The following KCNK2 variants were observed in gnomAD, a reference collection of about 807,000 sequenced individuals.
KCNK2 encodes potassium two pore domain channel subfamily K member 2.
Under a neutral mutation model 40.5 loss-of-function variants are expected in KCNK2, and 21 were observed. That is an observed-to-expected ratio of 0.52 (90% CI 0.37 to 0.75). KCNK2 has a LOEUF of 0.75. Among genes scored for constraint, KCNK2 ranks in the 30% least tolerant of loss-of-function variants. KCNK2 has a pLI of 0.00. For missense variants in KCNK2, 399 were observed against 531.6 expected (o/e 0.75, Z 2.45); for synonymous variants, 191 against 202.2 (o/e 0.94, Z 0.47).
At chr1:215,193,238 T>C (rs974404525) in intron 5 of KCNK2, among the ~76,000 whole-genome samples, 11 of 152,182 alleles carry the variant, frequency 7.2e-5, no homozygotes, top group African/African-American at 2.7e-4. Context: ...TGATCTTTGA[T>C]ATACTTGCAA....
intron 1 of KCNK2, among the ~76,000 whole-genome samples, chr1:215,018,799 G>C (rs12041425): frequency 0.23 from 35,084 of 152,036 alleles, 4,701 homozygotes; most frequent in South Asian, 0.5. Flanking sequence ...TTCTTGGAAA[G>C]TTTCCTGCAA....
chr1:215,083,197 C>CCCCCCCCCCCCCT lies in KCNK2; in HGVS notation c.-183_-182insCCCCCCTCCCCCC. ...GCGATTTCGTTTCTTCTCACGCTCC[C>CCCCCCCCCCCCCT]CCCCCCGCCCCCTCCCGCGTCCAGC... On this transcript the variant is annotated 5_prime_UTR_variant, in exon 1 of 7. Coordinates refer to ENST00000444842, the MANE Select transcript of KCNK2 (RefSeq NM_001017425.3). 9.3e-6 allele frequency: 5 copies of CCCCCCCCCCCCCT among 536,500 alleles called. No homozygotes were observed. The highest frequency in any genetic ancestry group is 1.8e-5 in the South Asian group (1 of 56,670). The allele number at this position is 536,500 out of a possible 1,614,324, so 33.2% of individuals were successfully genotyped here. A position where few individuals can be genotyped will look rare whatever the true frequency, so the allele number is the denominator to read the frequency against.
intron 3 of KCNK2, among the ~76,000 whole-genome samples, chr1:215,131,107 G>A (rs76965011): frequency 1.3e-5 from 2 of 150,982 alleles, no homozygotes; most frequent in African/African-American, 4.8e-5. Context: ...TGATCCGCCC[G>A]CCTCGGCCTC....
chr1:215,143,187 T>C (rs960733040), intron 3 of KCNK2, among the ~76,000 whole-genome samples: 1 of 152,004 alleles, frequency 6.6e-6, no homozygotes, highest in Non-Finnish European at 1.5e-5. Flanking sequence ...GATAAATAGA[T>C]CTATTTGTGC....
chr1:215,199,249 C>T (rs1664986881), intron 6 of KCNK2, among the ~76,000 whole-genome samples: 1 of 151,950 alleles, frequency 6.6e-6, no homozygotes, highest in African/African-American at 2.4e-5. Context: ...GCAGAGGTTC[C>T]AGTGAGCCGA....
chr1:215,044,576 GA>G (rs1159680912), intron 1 of KCNK2, among the ~76,000 whole-genome samples: 2 of 152,070 alleles, frequency 1.3e-5, no homozygotes, highest in Non-Finnish European at 2.9e-5. Context: ...GTGCATATTA[GA>G]AGTTGTGGTT....
chr1:215,123,521 C>T (rs1017388063), intron 2 of KCNK2, among the ~76,000 whole-genome samples: 1 of 151,854 alleles, frequency 6.6e-6, no homozygotes, highest in Non-Finnish European at 1.5e-5. Context: ...AGACATATTT[C>T]ATAATGGTCA....
At chr1:215,229,785 T>C (rs1666544000) in intron 6 of KCNK2, among the ~76,000 whole-genome samples, 1 of 152,112 alleles carries the variant, frequency 6.6e-6, no homozygotes, top group African/African-American at 2.4e-5. Context: ...TTGTTTTCAG[T>C]ATCTTTAGGA....
At chr1:215,061,322 A>G (rs1213205032) in intron 1 of KCNK2, among the ~76,000 whole-genome samples, 1 of 152,182 alleles carries the variant, frequency 6.6e-6, no homozygotes, top group African/African-American at 2.4e-5. Context: ...TGTAAAAAAA[A>G]AAATCAAGTT....
At chr1:215,213,128 A>G (rs991046053) in intron 6 of KCNK2, among the ~76,000 whole-genome samples, 1 of 152,180 alleles carries the variant, frequency 6.6e-6, no homozygotes, top group Non-Finnish European at 1.5e-5. Context: ...AATGTTTTAT[A>G]TAGTTTTACA....
chr1:215,030,748 C>T (rs564640624), intron 1 of KCNK2, among the ~76,000 whole-genome samples: 4 of 148,596 alleles, frequency 2.7e-5, no homozygotes, highest in African/African-American at 7.4e-5. Flanking sequence ...GGTTTTGTCA[C>T]GTTGCCCAGG....
chr1:215,235,095 A>T lies in KCNK2; in HGVS notation c.1231A>T (p.Thr411Ser). 6.2e-7 allele frequency: 1 copy of T among 1,610,260 alleles called. No homozygotes were observed. ...TGAGAGTATCTATCTGAATGGTTTGACGCCACACTGTGCTGGTGAAGAGAT... is the reference window on the plus strand; with the variant it reads ...TGAGAGTATCTATCTGAATGGTTTGTCGCCACACTGTGCTGGTGAAGAGAT... ...KTESIYLNGLTPHCAGEEIAV... is the reference protein window; with the variant it reads ...KTESIYLNGLSPHCAGEEIAV... Residue 411 changes from threonine to serine, a missense_variant, in exon 7 of 7, where the codon ACG (threonine) becomes TCG (serine). By Grantham distance (58) the Thr-to-Ser change is moderately conservative. This residue lies in a region of KCNK2 where 103 missense variants were observed against 124.3 expected (regional missense o/e 0.83). Transcript: ENST00000444842.
intron 1 of KCNK2, among the ~76,000 whole-genome samples, chr1:215,038,308 C>T (rs1657453234): frequency 6.6e-6 from 1 of 151,878 alleles, no homozygotes; most frequent in Non-Finnish European, 1.5e-5. Flanking sequence ...TAGTCAGGTC[C>T]CACATGAAGG....
intron 1 of KCNK2, among the ~76,000 whole-genome samples, chr1:215,027,687 T>C (rs1657045322): frequency 6.6e-6 from 1 of 152,342 alleles, no homozygotes; most frequent in East Asian, 1.9e-4. Context: ...ATTTCAATCA[T>C]GTTGATACTT....
intron 6 of KCNK2, among the ~76,000 whole-genome samples, chr1:215,210,005 ATATATAATATATAATATATATT>A (rs1665649721): frequency 4.4e-5 from 1 of 22,750 alleles, no homozygotes. Flanking sequence ...AATATATATT[ATATATAATATATAATATATATT>A]ATATATAATA....
At chr1:215,203,765 C>A (rs1247199585) in intron 6 of KCNK2, among the ~76,000 whole-genome samples, 1 of 151,888 alleles carries the variant, frequency 6.6e-6, no homozygotes, top group African/African-American at 2.4e-5. Flanking sequence ...GTTGGATATT[C>A]TATGGACTTT....
chr1:215,132,076 A>G (rs1010401616), intron 3 of KCNK2, among the ~76,000 whole-genome samples: 2 of 152,236 alleles, frequency 1.3e-5, no homozygotes, highest in African/African-American at 4.8e-5. Flanking sequence ...AAGCAATTCC[A>G]GATAAAAAGG....
chr1:215,151,048 AAAG>A (rs1464896501), intron 3 of KCNK2, among the ~76,000 whole-genome samples: 2 of 151,880 alleles, frequency 1.3e-5, no homozygotes, highest in Non-Finnish European at 2.9e-5. Flanking sequence ...TAAAGAAATA[AAAG>A]AAGTAGTACA....
chr1:215,091,560 T>A (rs1659694967), intron 2 of KCNK2, among the ~76,000 whole-genome samples: 1 of 152,216 alleles, frequency 6.6e-6, no homozygotes, highest in Non-Finnish European at 1.5e-5. Context: ...GCCTACTGTG[T>A]ACATTGTCCT....
Sources: allele counts gnomAD v4.1 joint callset (sites outside exome capture counted in the v4.1 genomes callset), GRCh38; gene constraint gnomAD v4.1.1; regional missense constraint gnomAD v4.1.1; transcripts MANE v1.5; gene names NCBI Gene and HGNC (gene_info 2026-07-23, HGNC 2026-07-21).